The following ARPC1A variants were observed in gnomAD, a reference collection of about 807,000 sequenced individuals.
ARPC1A encodes actin related protein 2/3 complex subunit 1A.
ARPC1A carries 8 observed loss-of-function variants against 46.9 expected under a neutral mutation model. The observed-to-expected ratio is 0.17, with a 90% confidence interval of 0.10 to 0.31. The LOEUF (loss-of-function observed/expected upper bound fraction) is 0.31. ARPC1A is among the 10% of genes least tolerant of loss of function. The probability of loss-of-function intolerance (pLI) is 1.00; values close to 1 mark genes in which losing one functional copy is unlikely to be tolerated. For missense variants in ARPC1A, 286 were observed against 483.6 expected (o/e 0.59, Z 3.83); for synonymous variants, 152 against 169.0 (o/e 0.90, Z 0.78).
At chr7:99,345,802 C>T (rs991306270) in intron 4 of ARPC1A, among the ~76,000 whole-genome samples, 27 of 152,130 alleles carry the variant, frequency 1.8e-4, no homozygotes, top group African/African-American at 6.3e-4. Flanking sequence ...CTCTTTGTAG[C>T]TGTTTTGTTA....
intron 6 of ARPC1A, among the ~76,000 whole-genome samples, chr7:99,356,475 TG>T (rs1223487740): frequency 2.0e-5 from 3 of 150,418 alleles, no homozygotes; most frequent in African/African-American, 7.3e-5. Flanking sequence ...TGTGGTGGCA[TG>T]CACCTGTAAT....
chr7:99,338,378 A>ATTTTTTTTTTTTTTTTTTTTTTTTTTTTT (rs754747240), intron 3 of ARPC1A, 93 bp downstream of exon 3: 1 of 231,226 alleles, frequency 4.3e-6, no homozygotes, highest in Non-Finnish European at 7.0e-6. Context: ...GGTGGCCATA[A>ATTTTTTTTTTTTTTTTTTTTTTTTTTTTT]TTTTTTTTTT....
Position 99,330,567 on chromosome 7 carries a change from G to C in ARPC1A, c.-29-2758G>C, listed in dbSNP as rs370745012. Among the ~76,000 whole-genome samples the C allele has an allele frequency of 7.9e-5, 12 of 152,224 alleles. No individual in the cohort carries two copies. The East Asian group carries it at 2.1e-3, about 27-fold the overall frequency. On this transcript the variant is annotated intron_variant, in intron 1 of 9. Transcript: ENST00000262942. The stretch of plus-strand genomic sequence containing the variant: ...CGACCTCAGGTGATCCGCCCACCTC[G>C]GCCTCCCAAAGTGCTGGGATTACAG...
chr7:99,335,273 G>A (rs1279079941), intron 2 of ARPC1A, among the ~76,000 whole-genome samples: 1 of 151,916 alleles, frequency 6.6e-6, no homozygotes, highest in African/African-American at 2.4e-5. Context: ...ATACTTAGTG[G>A]GCATGAGCCA....
chr7:99,360,038 G>A, intron 8 of ARPC1A: 1 of 447,348 alleles, frequency 2.2e-6, no homozygotes, highest in Non-Finnish European at 4.1e-6. Context: ...CAGGGCAGCT[G>A]CTTCCTAGGG....
chr7:99,346,126 G>A (rs991810403), intron 4 of ARPC1A, among the ~76,000 whole-genome samples: 3 of 151,032 alleles, frequency 2.0e-5, no homozygotes, highest in Admixed American at 6.6e-5. Context: ...TGAGGCAGGA[G>A]AATCTCTTGA....
intron 2 of ARPC1A, among the ~76,000 whole-genome samples, chr7:99,334,716 C>G (rs997605106): frequency 6.6e-6 from 1 of 152,062 alleles, no homozygotes; most frequent in African/African-American, 2.4e-5. Context: ...GAGTCTTGCT[C>G]TGTCATCCAA....
At chr7:99,344,104 C>T (rs956587887) in intron 3 of ARPC1A, among the ~76,000 whole-genome samples, 189 bp from the exon 4 acceptor site, 1 of 152,194 alleles carries the variant, frequency 6.6e-6, no homozygotes, top group Non-Finnish European at 1.5e-5. Context: ...GAGTCCCAGA[C>T]GCTTTGCAGA....
chr7:99,354,159 G>A (rs1793593574), intron 6 of ARPC1A, 38 bp downstream of exon 6: 1 of 1,598,294 alleles, frequency 6.3e-7, no homozygotes, highest in Non-Finnish European at 8.6e-7. Flanking sequence ...TGGGGAACAA[G>A]GGGTGGGATC....
chr7:99,343,390 C>T (rs1277076957), intron 3 of ARPC1A, among the ~76,000 whole-genome samples: 2 of 151,520 alleles, frequency 1.3e-5, no homozygotes, highest in African/African-American at 2.4e-5. Context: ...CGCTTGAACC[C>T]GGGAGGCGGA....
chr7:99,362,556 A>G (rs1383714545), intron 8 of ARPC1A, among the ~76,000 whole-genome samples: 1 of 141,508 alleles, frequency 7.1e-6, no homozygotes, highest in Non-Finnish European at 1.5e-5. Context: ...GTTAGTCAGG[A>G]TGGTCTCGAT....
chr7:99,352,928 C>G (rs1793567942), intron 5 of ARPC1A, among the ~76,000 whole-genome samples: 4 of 151,688 alleles, frequency 2.6e-5, no homozygotes, highest in Admixed American at 2.6e-4. Context: ...CATGCCATTG[C>G]ACTCCAGCCT....
Position 99,366,000 on chromosome 7 carries a change from G to A in ARPC1A, c.*71G>A, listed in dbSNP as rs117765427. 6.9e-5 allele frequency: 103 copies of A among 1,498,972 alleles called. No homozygotes were observed. In the East Asian group the frequency reaches 1.0e-3, roughly 15 times the overall value. 92.9% of individuals were successfully genotyped at this position (1,498,972 alleles called of 1,614,324 possible). The stretch of plus-strand genomic sequence containing the variant: ...CGCAGCTGTGCCGTGGCACGATGGC[G>A]AGGAAGCCAGCCCCAAGGAAACACT... On this transcript the variant is annotated 3_prime_UTR_variant, in exon 10 of 10. Transcript: ENST00000262942.
chr7:99,328,298 G>A (rs188653160), intron 1 of ARPC1A, among the ~76,000 whole-genome samples: 261 of 152,252 alleles, frequency 1.7e-3, no homozygotes, highest in South Asian at 3.9e-3. Flanking sequence ...GAACCCGGGA[G>A]ACGGAGGTTG....
chr7:99,365,879 A>T lies in ARPC1A; in HGVS notation c.1075-12A>T. On this transcript the variant is annotated splice_polypyrimidine_tract_variant and intron_variant, in intron 9 of 9. Coordinates refer to ENST00000262942, the MANE Select transcript of ARPC1A (RefSeq NM_006409.4). Reference sequence around the variant, plus strand: ...CCTCAGTGACATCAGTGCTCTTCCCACCTTTTCCAAGACCCTCGAGTCTTC... The same window carrying T: ...CCTCAGTGACATCAGTGCTCTTCCCTCCTTTTCCAAGACCCTCGAGTCTTC... The T allele has an allele frequency of 1.3e-6, 2 of 1,570,014 alleles. No homozygotes were observed. The highest frequency in any genetic ancestry group is 1.7e-6 in the Non-Finnish European group (2 of 1,155,448).
chr7:99,342,087 A>G (rs555484152), intron 3 of ARPC1A, among the ~76,000 whole-genome samples: 2 of 152,316 alleles, frequency 1.3e-5, no homozygotes, highest in South Asian at 4.1e-4. Flanking sequence ...AAAAAGTGGA[A>G]TAGTATAATG....
chr7:99,347,343 G>A (rs541591179), intron 4 of ARPC1A, among the ~76,000 whole-genome samples: 2 of 152,186 alleles, frequency 1.3e-5, no homozygotes, highest in Admixed American at 6.6e-5. Context: ...AGTGCTGGGA[G>A]TATAGTTGCA....
chr7:99,326,564 T>TA (rs973324383), intron 1 of ARPC1A, among the ~76,000 whole-genome samples: 1 of 152,232 alleles, frequency 6.6e-6, no homozygotes, highest in African/African-American at 2.4e-5. Context: ...TCGGCGCTCT[T>TA]ATTCATTTAG....
At chr7:99,349,682 T>C (rs992068142) in intron 5 of ARPC1A, among the ~76,000 whole-genome samples, 28 of 151,858 alleles carry the variant, frequency 1.8e-4, no homozygotes, top group African/African-American at 6.3e-4. Context: ...ACTAAAAAAA[T>C]ACAAAAAATT....
Sources: allele counts gnomAD v4.1 joint callset (sites outside exome capture counted in the v4.1 genomes callset), GRCh38; gene constraint gnomAD v4.1.1; transcripts MANE v1.5; gene names NCBI Gene and HGNC (gene_info 2026-07-23, HGNC 2026-07-21).